GPC6: variants seen among roughly 807,000 people sequenced by gnomAD.
GPC6 encodes the protein glypican 6, also known as glypican-6.
GPC6 carries 14 observed loss-of-function variants against 55.2 expected under a neutral mutation model. That is an observed-to-expected ratio of 0.25 (90% CI 0.17 to 0.40). GPC6 has a LOEUF of 0.40. GPC6 is among the 10% of genes least tolerant of loss of function. GPC6 has a pLI of 1.00. For missense variants in GPC6, 641 were observed against 708.5 expected (o/e 0.90, Z 1.08); for synonymous variants, 278 against 259.6 (o/e 1.07, Z -0.68).
intron 6 of GPC6, among the ~76,000 whole-genome samples, chr13:94,351,574 T>C (rs1157000472): frequency 6.6e-6 from 1 of 152,062 alleles, no homozygotes; most frequent in Non-Finnish European, 1.5e-5. Flanking sequence ...CCTACTTCCT[T>C]ATTCTCATAA....
chr13:94,347,556 T>C (rs1160408489), intron 6 of GPC6, among the ~76,000 whole-genome samples: 3 of 152,196 alleles, frequency 2.0e-5, no homozygotes, highest in Non-Finnish European at 2.9e-5. Flanking sequence ...TGAAAATGAA[T>C]CCACTAGTAT....
At chr13:93,684,586 A>G (rs73545516) in intron 2 of GPC6, among the ~76,000 whole-genome samples, 7,509 of 152,282 alleles carry the variant, frequency 0.049, 619 homozygotes, top group African/African-American at 0.17. Context: ...AGGGTAGCAG[A>G]GCAGAAAAGC....
intron 1 of GPC6, among the ~76,000 whole-genome samples, chr13:93,320,356 A>G (rs1879393916): frequency 6.6e-6 from 1 of 151,888 alleles, no homozygotes; most frequent in South Asian, 2.1e-4. Context: ...TCCCTTATAT[A>G]TATAAATTTT....
intron 3 of GPC6, among the ~76,000 whole-genome samples, chr13:93,882,147 A>G (rs9516309): frequency 0.34 from 35,518 of 104,754 alleles, 4,690 homozygotes; most frequent in East Asian, 0.42. Flanking sequence ...TTTTTGTTTT[A>G]TTTTTGTTTT....
chr13:94,303,887 G>A (rs1247489608), intron 5 of GPC6, among the ~76,000 whole-genome samples: 1 of 151,984 alleles, frequency 6.6e-6, no homozygotes, highest in Non-Finnish European at 1.5e-5. Flanking sequence ...TTAACCCAGT[G>A]AGCCACATTT....
At chr13:94,308,219 G>C (rs1876058501) in intron 6 of GPC6, among the ~76,000 whole-genome samples, 1 of 152,100 alleles carries the variant, frequency 6.6e-6, no homozygotes, top group Non-Finnish European at 1.5e-5. Context: ...CCTTAAACAG[G>C]GGAAGTAGAG....
chr13:94,288,683 A>G (rs1028441134), intron 5 of GPC6, among the ~76,000 whole-genome samples: 1 of 142,886 alleles, frequency 7.0e-6, no homozygotes, highest in Non-Finnish European at 1.5e-5. Flanking sequence ...GCAATTCTCT[A>G]TCACAGAAAT....
chr13:93,702,836 T>A (rs146614974), intron 2 of GPC6, among the ~76,000 whole-genome samples: 37 of 152,090 alleles, frequency 2.4e-4, no homozygotes, highest in African/African-American at 7.5e-4. Context: ...TTGAAGAGAG[T>A]TAAGGCCTTT....
chr13:94,075,648 C>G (rs1884886784), intron 4 of GPC6, among the ~76,000 whole-genome samples: 1 of 152,148 alleles, frequency 6.6e-6, no homozygotes, highest in Non-Finnish European at 1.5e-5. Context: ...GCCATTCATT[C>G]TATTCTCTGC....
chr13:93,247,883 T>C (rs1302494996), intron 1 of GPC6, among the ~76,000 whole-genome samples: 2 of 152,190 alleles, frequency 1.3e-5, no homozygotes, highest in Non-Finnish European at 2.9e-5. Context: ...GTCAACAAAA[T>C]ATGTATGGAG....
intron 1 of GPC6, among the ~76,000 whole-genome samples, chr13:93,542,324 A>C (rs984877924): frequency 6.6e-6 from 1 of 152,196 alleles, no homozygotes; most frequent in Non-Finnish European, 1.5e-5. Flanking sequence ...GTCAAAGATC[A>C]GATAGTTGTA....
At chr13:94,071,765 T>C (rs1884743552) in intron 4 of GPC6, among the ~76,000 whole-genome samples, 1 of 152,200 alleles carries the variant, frequency 6.6e-6, no homozygotes, top group Admixed American at 6.5e-5. Flanking sequence ...TTAAAAAATA[T>C]GCAGTGAAGT....
At chr13:93,809,400 G>T in intron 2 of GPC6, among the ~76,000 whole-genome samples, 1 of 152,168 alleles carries the variant, frequency 6.6e-6, no homozygotes, top group Admixed American at 6.5e-5. Flanking sequence ...TCTTGTTTCA[G>T]ATCTTAGGAT....
intron 3 of GPC6, among the ~76,000 whole-genome samples, chr13:94,001,513 C>T (rs1053445834): frequency 6.6e-6 from 1 of 151,958 alleles, no homozygotes; most frequent in Non-Finnish European, 1.5e-5. Context: ...TGAATATAGG[C>T]CTTATTGATA....
At chr13:93,322,733 C>A (rs1289122038) in intron 1 of GPC6, among the ~76,000 whole-genome samples, 2 of 152,054 alleles carry the variant, frequency 1.3e-5, no homozygotes, top group Non-Finnish European at 2.9e-5. Context: ...AGCCACCACA[C>A]CTGGCCTAAG....
chr13:93,455,411 A>G (rs1253591308), intron 1 of GPC6, among the ~76,000 whole-genome samples: 2 of 152,062 alleles, frequency 1.3e-5, no homozygotes, highest in Non-Finnish European at 2.9e-5. Flanking sequence ...TGATCAACTA[A>G]CAAATCTGGA....
the GPC6 span, among the ~76,000 whole-genome samples, chr13:93,219,783 A>ATAT: frequency 6.6e-6 from 1 of 152,182 alleles, no homozygotes; most frequent in Non-Finnish European, 1.5e-5. Flanking sequence ...AGGTTTAGTG[A>ATAT]TATTAGTATC....
rs1491286473 is a variant in GPC6 at position 94,271,382 on chromosome 13, G to GCGCGCGCACACACACA, written c.878-14966_878-14965insGCGCGCACACACACAC. On this transcript the variant is annotated intron_variant, in intron 4 of 8. Transcript: ENST00000377047. ...CACACACACACGCGCGCGCGCGCGC[G>GCGCGCGCACACACACA]CACACACACACACACACACACACAC... Among the ~76,000 whole-genome samples, 2 of 126,684 alleles carry GCGCGCGCACACACACA rather than the reference G, an allele frequency of 1.6e-5. 1 individual carries two copies. Among genetic ancestry groups the GCGCGCGCACACACACA allele is most frequent in the African/African-American group, 5.9e-5 (2 of 33,622 alleles). 83.1% of individuals were successfully genotyped at this position (126,684 alleles called of 152,430 possible).
At chr13:93,789,606 T>TAATACTAC (rs1555331675) in intron 2 of GPC6, among the ~76,000 whole-genome samples, 199 of 18,230 alleles carry the variant, frequency 0.011, 5 homozygotes, top group Non-Finnish European at 0.018. Flanking sequence ...TACATATATA[T>TAATACTAC]ATATATATAT....
Sources: allele counts gnomAD v4.1 joint callset (sites outside exome capture counted in the v4.1 genomes callset), GRCh38; gene constraint gnomAD v4.1.1; transcripts MANE v1.5; gene names NCBI Gene and HGNC (gene_info 2026-07-23, HGNC 2026-07-21).